Variants in SLC25A30 observed in about 807,000 individuals in gnomAD.
SLC25A30 encodes the protein kidney mitochondrial carrier protein 1.
In SLC25A30, 29 loss-of-function variants were observed where a neutral mutation model predicts 42.7. That is an observed-to-expected ratio of 0.68 (90% CI 0.51 to 0.93). The LOEUF is 0.93. Among genes scored for constraint, SLC25A30 ranks in the 40% least tolerant of loss-of-function variants. The pLI, the probability that SLC25A30 is intolerant of heterozygous loss-of-function variation, is 0.00. For synonymous variants in SLC25A30, 124 were observed against 131.0 expected (o/e 0.95, Z 0.37); for missense variants, 300 against 359.7 (o/e 0.83, Z 1.34).
chr13:45,418,939 T>TCAAAAAAAA (rs1205134043), upstream of SLC25A30, among the ~76,000 whole-genome samples: 181 of 27,310 alleles, frequency 6.6e-3, 16 homozygotes, highest in Non-Finnish European at 0.011. Context: ...AGACTTCGTC[T>TCAAAAAAAA]CAAAAAAAAA....
the SLC25A30 span, among the ~76,000 whole-genome samples, chr13:45,431,926 G>T: frequency 6.6e-6 from 1 of 151,830 alleles, no homozygotes; most frequent in Non-Finnish European, 1.5e-5. Context: ...TTTTTCCTTT[G>T]TTCTTATCAT....
rs757386533 is a variant in SLC25A30 at position 45,404,389 on chromosome 13, T to C, written c.331A>G (p.Ile111Val). 4 of 1,612,994 alleles carry C rather than the reference T, an allele frequency of 2.5e-6. No homozygotes were observed. In the Admixed American group the frequency reaches 5.0e-5, roughly 20 times the overall value. Reference protein sequence around the residue: ...PEDETLPINVICGILSGVISS... With the variant: ...PEDETLPINVVCGILSGVISS... The stretch of plus-strand genomic sequence containing the variant: ...ATGACTCCAGACAGAATTCCACATA[T>C]CACATTTATCGGTAGAGTTTCATCT... Residue 111 changes from isoleucine to valine, a missense_variant, in exon 5 of 10, where the codon ATA (isoleucine) becomes GTA (valine). Physicochemically the swap from Ile to Val is conservative, Grantham distance 29 (BLOSUM62 3). Transcript: ENST00000519676.
At chr13:45,427,638 A>T in the SLC25A30 span, among the ~76,000 whole-genome samples, 1 of 152,132 alleles carries the variant, frequency 6.6e-6, no homozygotes, top group Non-Finnish European at 1.5e-5. Flanking sequence ...GCACATTAAT[A>T]AATTTGCCTG....
chr13:45,423,824 A>G, the SLC25A30 span, among the ~76,000 whole-genome samples: 1 of 75,960 alleles, frequency 1.3e-5, no homozygotes, highest in Non-Finnish European at 2.2e-5. Context: ...AAATATAAAT[A>G]TATATTTATA....
chr13:45,414,541 C>G (rs1342554524), intron 1 of SLC25A30, among the ~76,000 whole-genome samples: 1 of 151,748 alleles, frequency 6.6e-6, no homozygotes, highest in East Asian at 1.9e-4. Context: ...CGCTTGAAAC[C>G]GGGAGGCGGA....
upstream of SLC25A30, chr13:45,418,710 C>A (rs1031861806): frequency 3.3e-5 from 5 of 151,996 alleles, no homozygotes; most frequent in African/African-American, 7.2e-5. Flanking sequence ...TCTCACGGTG[C>A]CCCCGTGAAC....
At position 45,404,422 on chromosome 13, in the gene SLC25A30, A is replaced by G. The variant is rs756205306; in HGVS notation, c.308-10T>C. ...ATCGGTAGAGTTTCATCTGTAAACA[A>G]TGACACATTATTTGACTCTACATAT... On this transcript the variant is annotated splice_polypyrimidine_tract_variant and intron_variant, in intron 4 of 9. Coordinates refer to ENST00000519676, the MANE Select transcript of SLC25A30 (RefSeq NM_001010875.4). 26 of 1,589,386 alleles carry G rather than the reference A, an allele frequency of 1.6e-5. No individual in the cohort carries two copies. Among genetic ancestry groups the G allele is most frequent in the Non-Finnish European group, 3.5e-6 (4 of 1,157,742 alleles).
intron 1 of SLC25A30, among the ~76,000 whole-genome samples, chr13:45,413,759 G>A (rs186768551): frequency 6.6e-6 from 1 of 152,148 alleles, no homozygotes; most frequent in Non-Finnish European, 1.5e-5. Context: ...CGCCATGTTG[G>A]CCAGGCTGGT....
At position 45,400,014 on chromosome 13, in the gene SLC25A30, T is replaced by TTATATATA. The variant is rs1322955547; in HGVS notation, c.615-944_615-937dup. ...TTGCCCACCAATGGATTATGTATGA[T>TTATATATA]TATATATATATATATATATACACAC... On this transcript the variant is annotated intron_variant, in intron 7 of 9. Transcript: ENST00000519676. Among the ~76,000 whole-genome samples the TTATATATA allele has an allele frequency of 6.1e-3, 542 of 88,622 alleles. 2 individuals are homozygous for TTATATATA. The highest frequency in any genetic ancestry group is 8.7e-3 in the African/African-American group (201 of 22,994). 58.1% of individuals were successfully genotyped at this position (88,622 alleles called of 152,430 possible). A position where few individuals can be genotyped will look rare whatever the true frequency, so the allele number is the denominator to read the frequency against.
chr13:45,419,130 T>TAAAAAA (rs374462224), upstream of SLC25A30, among the ~76,000 whole-genome samples: 1 of 90,536 alleles, frequency 1.1e-5, no homozygotes, highest in African/African-American at 5.2e-5. Context: ...TACTCCCTCT[T>TAAAAAA]AAAAAAAAAA....
chr13:45,429,128 G>A, the SLC25A30 span, among the ~76,000 whole-genome samples: 1 of 138,074 alleles, frequency 7.2e-6, no homozygotes, highest in Non-Finnish European at 1.5e-5. Flanking sequence ...GAGTGCAATG[G>A]CGCAGTCTCA....
upstream of SLC25A30, among the ~76,000 whole-genome samples, chr13:45,419,070 G>T (rs1883788924): frequency 7.4e-6 from 1 of 135,772 alleles, no homozygotes; most frequent in African/African-American, 2.8e-5. Context: ...GGCGGAGGTT[G>T]CAGTGAGCCA....
chr13:45,419,566 G>A (rs892081512), upstream of SLC25A30, among the ~76,000 whole-genome samples: 1 of 151,048 alleles, frequency 6.6e-6, no homozygotes, highest in Non-Finnish European at 1.5e-5. Flanking sequence ...TGATCCGCCT[G>A]CCTCGGCCTC....
intron 9 of SLC25A30, chr13:45,396,456 T>G (rs1881333592): frequency 3.4e-6 from 2 of 586,418 alleles, no homozygotes; most frequent in Admixed American, 1.0e-4. Flanking sequence ...GCATTCCTGC[T>G]TCATCACTCT....
Position 45,402,347 on chromosome 13 carries a change from G to A in SLC25A30, c.417C>T (p.Asn139=). ...VLKIRMQAQS[N]TIQGGMIGNF... is the part of the protein sequence containing the mutation. ...TGCCTATCATTCCTCCTTGAATGGT[G>A]TTGCTTTGCGCTTGCATCCGAATCT... The change falls in exon 6 of 10, where the codon AAC becomes AAT. Residue 139 remains asparagine (N), a synonymous_variant. Transcript: ENST00000519676. 1.2e-6 allele frequency: 2 copies of A among 1,613,976 alleles called. No homozygotes were observed. The highest frequency in any genetic ancestry group is 8.5e-7 in the Non-Finnish European group (1 of 1,179,880).
At chr13:45,420,726 G>A (rs1883871022), upstream of SLC25A30, among the ~76,000 whole-genome samples, 1 of 151,918 alleles carries the variant, frequency 6.6e-6, no homozygotes, top group South Asian at 2.1e-4. Context: ...TTCAAGACAG[G>A]GTCTCGCTCT....
At chr13:45,396,211 A>T in intron 9 of SLC25A30, 196 bp from the exon 10 acceptor site, 1 of 1,441,874 alleles carries the variant, frequency 6.9e-7, no homozygotes, top group South Asian at 1.5e-5. Flanking sequence ...CAGAAAGATC[A>T]CAGCTGAGAT....
intron 1 of SLC25A30, chr13:45,411,684 G>A: frequency 2.1e-6 from 1 of 478,666 alleles, no homozygotes; most frequent in Middle Eastern, 6.0e-4. Flanking sequence ...CTTTATCAGT[G>A]ATCTTAATTT....
Position 45,405,902 on chromosome 13 carries a change from T to C in SLC25A30, c.288A>G (p.Leu96=). Residue 96 remains leucine, a synonymous_variant, in exon 4 of 10, where the codon CTA becomes CTG. Coordinates refer to ENST00000519676, the MANE Select transcript of SLC25A30 (RefSeq NM_001010875.4). ...KIGTYQSLKR[L]FIERPEDETL... Reference sequence around the variant, plus strand: ...ACTCACCTTCTGGGCGTTCAATGAATAGTCGCTTCAAGCTCTGGTAAGTGC... The same window carrying C: ...ACTCACCTTCTGGGCGTTCAATGAACAGTCGCTTCAAGCTCTGGTAAGTGC... 3 of 1,614,154 alleles carry C rather than the reference T, an allele frequency of 1.9e-6. No homozygotes were observed. The highest frequency in any genetic ancestry group is 2.5e-6 in the Non-Finnish European group (3 of 1,179,994).
Sources: gnomAD v4.1 joint callset for allele counts (sites outside exome capture counted in the v4.1 genomes callset) on GRCh38, gnomAD v4.1.1 for gene constraint, MANE v1.5 for transcripts, NCBI Gene and HGNC (gene_info 2026-07-23, HGNC 2026-07-21) for gene names.